Variants in PCDHA10 observed in about 807,000 individuals in gnomAD.
PCDHA10 encodes protocadherin alpha-10.
Under a neutral mutation model 61.2 loss-of-function variants are expected in PCDHA10, and 45 were observed. That is an observed-to-expected ratio of 0.74 (90% CI 0.58 to 0.94). The LOEUF is 0.94. Among genes scored for constraint, PCDHA10 ranks in the 40% least tolerant of loss-of-function variants. The pLI, the probability that PCDHA10 is intolerant of heterozygous loss-of-function variation, is 0.00. For missense variants in PCDHA10, 1,278 were observed against 1,236.2 expected (o/e 1.03, Z -0.51); for synonymous variants, 602 against 548.8 (o/e 1.10, Z -1.35).
chr5:140,966,860 T>A, intron 1 of PCDHA10: 1 of 1,577,482 alleles, frequency 6.3e-7, no homozygotes, highest in Middle Eastern at 1.7e-4. Flanking sequence ...CCTGCTGCTG[T>A]TGCTGCTGCT....
At chr5:141,000,398 T>TAA in intron 3 of PCDHA10, among the ~76,000 whole-genome samples, 1 of 55,032 alleles carries the variant, frequency 1.8e-5, no homozygotes, top group African/African-American at 7.5e-5. Flanking sequence ...TCTCTCTCTA[T>TAA]ATATATATAT....
At chr5:140,925,689 G>C (rs1341368297) in intron 1 of PCDHA10, among the ~76,000 whole-genome samples, 1 of 147,806 alleles carries the variant, frequency 6.8e-6, no homozygotes, top group Non-Finnish European at 1.5e-5. Flanking sequence ...AGCGAGGGTG[G>C]GTATCTAGCC....
intron 1 of PCDHA10, among the ~76,000 whole-genome samples, chr5:140,964,532 G>A (rs995586958): frequency 2.0e-5 from 3 of 152,156 alleles, no homozygotes; most frequent in Non-Finnish European, 4.4e-5. Context: ...TCTGAGCTGC[G>A]TGCAGAGATG....
Position 140,856,750 on chromosome 5 carries a change from C to A in PCDHA10, c.702C>A (p.Ala234=). The change falls in exon 1 of 4, where the codon GCC becomes GCA. Residue 234 remains alanine (A), a synonymous_variant. Transcript: ENST00000307360. The stretch of plus-strand genomic sequence containing the variant: ...CTCTGCTGATCCTGGTGTTAGATGC[C>A]AATGATAACGCCCCTATCTTTGACA... ...SVSLLILVLD[A]NDNAPIFDRP... The A allele has an allele frequency of 6.3e-7, 1 of 1,596,268 alleles. No homozygotes were observed. The highest frequency in any genetic ancestry group is 1.1e-5 in the South Asian group (1 of 90,506).
intron 1 of PCDHA10, chr5:140,875,498 C>A (rs782226561): frequency 1.9e-6 from 3 of 1,613,292 alleles, no homozygotes; most frequent in East Asian, 4.5e-5. Flanking sequence ...CCAAGAGGCC[C>A]GGGATCCCAG....
chr5:140,885,207 T>C (rs1405388039), intron 1 of PCDHA10, among the ~76,000 whole-genome samples: 1 of 152,140 alleles, frequency 6.6e-6, no homozygotes, highest in Admixed American at 6.5e-5. Context: ...ATATATCCCA[T>C]GAAAAATATC....
chr5:140,977,514 A>G (rs1554238605), intron 1 of PCDHA10, among the ~76,000 whole-genome samples: 13 of 152,216 alleles, frequency 8.5e-5, no homozygotes. Context: ...CATTTTGTGA[A>G]CTTGAAAACA....
chr5:140,875,360 GA>G, intron 1 of PCDHA10: 1 of 1,447,846 alleles, frequency 6.9e-7, no homozygotes, highest in Non-Finnish European at 9.1e-7. Context: ...TGTGATGCTG[GA>G]AAAAATTTAC....
At chr5:140,876,449 G>T (rs1396307044) in intron 1 of PCDHA10, 1 of 1,613,880 alleles carries the variant, frequency 6.2e-7, no homozygotes, top group Non-Finnish European at 8.5e-7. Context: ...ATTGATAAAG[G>T]GATTCCTTCC....
At chr5:140,940,349 C>T (rs1437069133) in intron 1 of PCDHA10, among the ~76,000 whole-genome samples, 14 of 152,156 alleles carry the variant, frequency 9.2e-5, no homozygotes, top group African/African-American at 2.9e-4. Flanking sequence ...GTGTGTCCAA[C>T]ATGCTATTAA....
At chr5:140,935,840 G>T (rs155359) in intron 1 of PCDHA10, among the ~76,000 whole-genome samples, 87,412 of 151,068 alleles carry the variant, frequency 0.58, 26,203 homozygotes, top group African/African-American at 0.75. Context: ...ATTCCATACT[G>T]CTTAATGGTG....
chr5:140,946,298 G>A (rs1670826449), intron 1 of PCDHA10, among the ~76,000 whole-genome samples: 1 of 151,840 alleles, frequency 6.6e-6, no homozygotes, highest in Admixed American at 6.6e-5. Flanking sequence ...CCTCACACCT[G>A]GTAGAATGGC....
intron 1 of PCDHA10, among the ~76,000 whole-genome samples, chr5:140,902,351 A>C (rs1554190404): frequency 1.3e-5 from 2 of 151,346 alleles, no homozygotes; most frequent in African/African-American, 4.9e-5. Context: ...GAAGCCCTTT[A>C]TTTCTTTCTC....
intron 1 of PCDHA10, chr5:140,871,711 T>C (rs1554165833): frequency 1.2e-6 from 1 of 815,266 alleles, no homozygotes; most frequent in Middle Eastern, 3.7e-4. Flanking sequence ...ATAAATGTCC[T>C]ATTTCTCTTA....
chr5:140,928,930 C>T, intron 1 of PCDHA10: 1 of 1,614,108 alleles, frequency 6.2e-7, no homozygotes, highest in Non-Finnish European at 8.5e-7. Context: ...GCTTTCTGCC[C>T]AGAACTTGTA....
In PCDHA10 at chr5:140,883,463, T is replaced by C. The variant is rs1028584234; in HGVS notation, c.2388+25027T>C. On this transcript the variant is annotated intron_variant, in intron 1 of 3. Transcript: ENST00000307360. ...GCCGCATGTCCCCTTCAAGCTGGTGTCCACCTACAAGAACTACTACTCATT... is the reference window on the plus strand; with the variant it reads ...GCCGCATGTCCCCTTCAAGCTGGTGCCCACCTACAAGAACTACTACTCATT... 44 of 1,614,040 alleles carry C rather than the reference T, an allele frequency of 2.7e-5. No individual in the cohort carries two copies. Among genetic ancestry groups the C allele is most frequent in the Non-Finnish European group, 3.6e-5 (42 of 1,180,048 alleles).
intron 1 of PCDHA10, chr5:140,865,596 A>G (rs1309543842): frequency 2.6e-5 from 4 of 152,224 alleles, no homozygotes; most frequent in Admixed American, 2.0e-4. Context: ...CCATTGTTTG[A>G]GCAGTTTATT....
Position 140,856,100 on chromosome 5 carries a change from C to T in PCDHA10, c.52C>T (p.Leu18Phe), listed in dbSNP as rs782183125. ...LGVQCLLLSLLLLAAWEVGSG... is the reference protein window; with the variant it reads ...LGVQCLLLSLFLLAAWEVGSG... ...GGTCCAGTGTCTGCTGCTCTCGCTTCTTCTCCTCGCAGCCTGGGAGGTGGG... is the reference window on the plus strand; with the variant it reads ...GGTCCAGTGTCTGCTGCTCTCGCTTTTTCTCCTCGCAGCCTGGGAGGTGGG... Residue 18 changes from leucine to phenylalanine, a missense_variant, in exon 1 of 4, where the codon CTT (leucine) becomes TTT (phenylalanine). By Grantham distance (22) the Leu-to-Phe change is conservative. Transcript: ENST00000307360. 2 of 1,597,876 alleles carry T rather than the reference C, an allele frequency of 1.3e-6. No homozygotes were observed. Among genetic ancestry groups the T allele is most frequent in the Non-Finnish European group, 1.7e-6 (2 of 1,167,492 alleles).
chr5:140,993,754 A>G (rs1253767297), intron 3 of PCDHA10, among the ~76,000 whole-genome samples: 1 of 152,170 alleles, frequency 6.6e-6, no homozygotes, highest in African/African-American at 2.4e-5. Context: ...ACTTGCCATT[A>G]TATTACAATT....
Sources: gnomAD v4.1 joint callset for allele counts (sites outside exome capture counted in the v4.1 genomes callset) on GRCh38, gnomAD v4.1.1 for gene constraint, MANE v1.5 for transcripts, NCBI Gene and HGNC (gene_info 2026-07-23, HGNC 2026-07-21) for gene names.